CAP2: variants seen among roughly 807,000 people sequenced by gnomAD.
CAP2 encodes adenylyl cyclase-associated protein 2.
CAP2 carries 24 observed loss-of-function variants against 57.7 expected under a neutral mutation model. That is an observed-to-expected ratio of 0.42 (90% confidence interval 0.30 to 0.58). The LOEUF (loss-of-function observed/expected upper bound fraction) is 0.58, where lower values mean the gene tolerates loss of function less well. Among genes scored for constraint, CAP2 ranks in the 20% least tolerant of loss-of-function variants. CAP2 has a pLI of 0.22. For missense variants in CAP2, 501 were observed against 590.3 expected (o/e 0.85, Z 1.57); for synonymous variants, 194 against 207.2 (o/e 0.94, Z 0.55).
intron 4 of CAP2, among the ~76,000 whole-genome samples, chr6:17,480,776 T>TGG (rs1761268697): frequency 6.7e-6 from 1 of 148,950 alleles, no homozygotes; most frequent in African/African-American, 2.5e-5. Flanking sequence ...TTTTTTGGTT[T>TGG]TTTTTTTTTT....
intron 1 of CAP2, among the ~76,000 whole-genome samples, chr6:17,410,952 G>A (rs1388161911): frequency 2.0e-5 from 3 of 152,040 alleles, no homozygotes; most frequent in East Asian, 1.9e-4. Flanking sequence ...AATTTTATAT[G>A]CCATAAAATT....
intron 1 of CAP2, among the ~76,000 whole-genome samples, chr6:17,414,286 A>T (rs909324872): frequency 2.0e-4 from 25 of 125,328 alleles, no homozygotes; most frequent in Non-Finnish European, 1.5e-5. Flanking sequence ...ATTTCTTCTT[A>T]AAAAAAACAC....
At chr6:17,464,572 C>T (rs1760814669) in intron 4 of CAP2, among the ~76,000 whole-genome samples, 1 of 152,152 alleles carries the variant, frequency 6.6e-6, no homozygotes, top group South Asian at 2.1e-4. Context: ...ACTGTGACTT[C>T]ATTGGTCTGA....
At chr6:17,433,511 A>G (rs542755201) in intron 3 of CAP2, among the ~76,000 whole-genome samples, 1 of 152,334 alleles carries the variant, frequency 6.6e-6, no homozygotes. Flanking sequence ...CTCCATGACC[A>G]GGCTTAGGCC....
intron 4 of CAP2, among the ~76,000 whole-genome samples, chr6:17,502,060 A>G (rs981473962): frequency 6.6e-6 from 1 of 152,238 alleles, no homozygotes; most frequent in African/African-American, 2.4e-5. Context: ...ACATCTATGT[A>G]AAAGTCATTG....
chr6:17,496,727 G>A (rs1472222063), intron 4 of CAP2, among the ~76,000 whole-genome samples: 1 of 152,210 alleles, frequency 6.6e-6, no homozygotes, highest in Admixed American at 6.5e-5. Flanking sequence ...CTAAGTATCA[G>A]TGGCTCGGTA....
intron 7 of CAP2, among the ~76,000 whole-genome samples, chr6:17,516,294 A>G (rs1182767326): frequency 1.3e-5 from 2 of 152,214 alleles, no homozygotes; most frequent in Non-Finnish European, 2.9e-5. Flanking sequence ...TCCAGCCCCT[A>G]GTATAGTGCC....
intron 1 of CAP2, among the ~76,000 whole-genome samples, chr6:17,400,848 G>C (rs955104450): frequency 7.0e-6 from 1 of 143,306 alleles, no homozygotes; most frequent in African/African-American, 2.7e-5. Context: ...CTGGGCAACA[G>C]AGTGAGACTC....
At chr6:17,452,782 T>C (rs1760447127) in intron 3 of CAP2, among the ~76,000 whole-genome samples, 1 of 147,500 alleles carries the variant, frequency 6.8e-6, no homozygotes, top group Non-Finnish European at 1.5e-5. Flanking sequence ...TTCACTGTCC[T>C]TTCCCCCAGA....
intron 7 of CAP2, among the ~76,000 whole-genome samples, chr6:17,523,242 G>T (rs1213500549): frequency 1.3e-5 from 2 of 152,168 alleles, no homozygotes; most frequent in Non-Finnish European, 2.9e-5. Flanking sequence ...GAGGACAAGG[G>T]ACATAAAATC....
At chr6:17,501,894 A>G (rs1037677498) in intron 4 of CAP2, among the ~76,000 whole-genome samples, 1 of 152,228 alleles carries the variant, frequency 6.6e-6, no homozygotes, top group East Asian at 1.9e-4. Flanking sequence ...TTGTTCATGC[A>G]TCTCTTCCAT....
intron 4 of CAP2, among the ~76,000 whole-genome samples, chr6:17,474,185 CTTTTTTTTT>C (rs544909381): frequency 1.5e-4 from 14 of 93,210 alleles, no homozygotes; most frequent in East Asian, 1.4e-3. Context: ...AAAAAACAGT[CTTTTTTTTT>C]TTTTTTTTTT....
chr6:17,492,650 G>C (rs943814280), intron 4 of CAP2, among the ~76,000 whole-genome samples: 8 of 152,196 alleles, frequency 5.3e-5, no homozygotes, highest in African/African-American at 1.7e-4. Context: ...CATGTGACAG[G>C]CTGGCTGGAT....
At chr6:17,511,578 A>T (rs1053683604) in intron 6 of CAP2, among the ~76,000 whole-genome samples, 1 of 152,058 alleles carries the variant, frequency 6.6e-6, no homozygotes, top group African/African-American at 2.4e-5. Flanking sequence ...CAGCCTCCTG[A>T]GTAGCTGGGA....
intron 4 of CAP2, among the ~76,000 whole-genome samples, chr6:17,484,441 G>T (rs536405449): frequency 6.6e-5 from 10 of 152,294 alleles, no homozygotes; most frequent in Admixed American, 6.5e-4. Context: ...GCGGCATCAT[G>T]AGGGTAATGT....
chr6:17,394,834 A>G (rs1452340942), intron 1 of CAP2, among the ~76,000 whole-genome samples: 1 of 152,224 alleles, frequency 6.6e-6, no homozygotes. Flanking sequence ...TCTTGAAAGC[A>G]AGGATGGGTT....
chr6:17,475,227 C>A (rs150360415), intron 4 of CAP2, among the ~76,000 whole-genome samples: 30 of 151,442 alleles, frequency 2.0e-4, no homozygotes, highest in African/African-American at 7.0e-4. Flanking sequence ...AAGCTAGGTT[C>A]ATGGATTACA....
At chr6:17,509,469 G>A (rs1241926142) in intron 6 of CAP2, among the ~76,000 whole-genome samples, 1 of 152,114 alleles carries the variant, frequency 6.6e-6, no homozygotes, top group East Asian at 1.9e-4. Flanking sequence ...CTTGAGGTCA[G>A]GAGTTCATGA....
chr6:17,405,959 G>A (rs1312076232), intron 1 of CAP2, among the ~76,000 whole-genome samples: 4 of 151,676 alleles, frequency 2.6e-5, no homozygotes, highest in African/African-American at 7.3e-5. Context: ...CAGGCTGGTC[G>A]TGAACTCCTG....
Sources: gnomAD v4.1 joint callset for allele counts (sites outside exome capture counted in the v4.1 genomes callset) on GRCh38, gnomAD v4.1.1 for gene constraint, MANE v1.5 for transcripts, NCBI Gene and HGNC (gene_info 2026-07-23, HGNC 2026-07-21) for gene names.